The following OLFM3 variants were observed in gnomAD, a reference collection of about 807,000 sequenced individuals.
OLFM3 encodes olfactomedin 3, also known as noelin-3.
Under a neutral mutation model 48.6 loss-of-function variants are expected in OLFM3, and 20 were observed. The observed-to-expected ratio is 0.41, with a 90% CI of 0.29 to 0.60. The LOEUF (loss-of-function observed/expected upper bound fraction) is 0.60, where lower values mean the gene tolerates loss of function less well. Among genes scored for constraint, OLFM3 ranks in the 20% least tolerant of loss-of-function variants. The pLI is 0.28. For synonymous variants in OLFM3, 222 were observed against 198.1 expected, an observed-to-expected ratio of 1.12 and a Z score of -1.01; for missense variants, 437 against 544.3, an observed-to-expected ratio of 0.80 and a Z score of 1.96.
Position 101,804,087 on chromosome 1 carries a change from C to T in OLFM3, c.*151G>A, listed in dbSNP as rs979829449. On this transcript the variant is annotated 3_prime_UTR_variant, in exon 6 of 6. Coordinates refer to ENST00000370103, the MANE Select transcript of OLFM3 (RefSeq NM_058170.4). The surrounding 1 kb of genome is among the most constrained non-coding windows in gnomAD (Gnocchi z 4.5). The stretch of plus-strand genomic sequence containing the variant: ...TCCAACATGGTAAGTTAGACAAGCT[C>T]AGCTATGTTTTTGAAACACCAACTT... The T allele has an allele frequency of 1.7e-6, 1 of 575,216 alleles. No individual in the cohort carries two copies. The highest frequency in any genetic ancestry group is 2.9e-6 in the Non-Finnish European group (1 of 344,484). 35.6% of individuals were successfully genotyped at this position (575,216 alleles called of 1,614,324 possible).
intron 1 of OLFM3, among the ~76,000 whole-genome samples, chr1:101,936,900 T>C (rs931024551): frequency 3.9e-5 from 6 of 152,254 alleles, no homozygotes; most frequent in African/African-American, 1.4e-4. Context: ...GTGGTATAAG[T>C]GTTTAGCCAC....
intron 1 of OLFM3, chr1:101,893,158 C>A: frequency 3.9e-6 from 1 of 257,460 alleles, no homozygotes; most frequent in East Asian, 1.2e-4. Context: ...CACCAGCTCT[C>A]AGTAACCTTA....
intron 1 of OLFM3, among the ~76,000 whole-genome samples, chr1:101,949,304 G>A (rs1660049404): frequency 6.6e-6 from 1 of 151,960 alleles, no homozygotes; most frequent in Non-Finnish European, 1.5e-5. Context: ...TAGTTCTTAG[G>A]CCAAGAAAGA....
chr1:101,850,047 C>T (rs550214326), intron 1 of OLFM3, among the ~76,000 whole-genome samples: 9 of 152,178 alleles, frequency 5.9e-5, no homozygotes, highest in South Asian at 4.1e-4. Flanking sequence ...AAATGGTCAA[C>T]GTAAAAATGC....
chr1:101,996,739 T>C lies in OLFM3; in HGVS notation c.69+9A>G. ...TTATTTCAAACAAGACTCAAAATAT[T>C]GTTCATACCTTGGAAGGATCTAATC... is the stretch of plus-strand genomic sequence containing the variant. On this transcript the variant is annotated intron_variant, in intron 1 of 5. Coordinates refer to ENST00000370103, the MANE Select transcript of OLFM3 (RefSeq NM_058170.4). The C allele has an allele frequency of 6.2e-7, 1 of 1,613,930 alleles. No individual in the cohort carries two copies. Among genetic ancestry groups the C allele is most frequent in the South Asian group, 1.1e-5 (1 of 91,082 alleles).
At chr1:101,827,806 T>C (rs1286658736) in intron 3 of OLFM3, among the ~76,000 whole-genome samples, 2 of 152,204 alleles carry the variant, frequency 1.3e-5, no homozygotes, top group Non-Finnish European at 2.9e-5. Flanking sequence ...TATACGACTC[T>C]GGATAAATTA....
chr1:101,877,568 A>G (rs1260034548), intron 1 of OLFM3, among the ~76,000 whole-genome samples: 2 of 151,906 alleles, frequency 1.3e-5, no homozygotes, highest in Admixed American at 6.6e-5. Flanking sequence ...TTTGTGAGAC[A>G]ATGTTGCATA....
chr1:101,860,670 T>A (rs887008689), intron 1 of OLFM3, among the ~76,000 whole-genome samples: 1 of 152,072 alleles, frequency 6.6e-6, no homozygotes, highest in Non-Finnish European at 1.5e-5. Context: ...CTTCATGAAA[T>A]CATGTATGTG....
At chr1:101,909,936 C>G (rs566617116) in intron 1 of OLFM3, 1 of 983,766 alleles carries the variant, frequency 1.0e-6, no homozygotes, top group East Asian at 1.1e-4. Context: ...TCCAGGTAAA[C>G]TATAGACTCA....
intron 1 of OLFM3, among the ~76,000 whole-genome samples, chr1:101,892,041 A>T (rs1476813939): frequency 6.6e-6 from 1 of 152,034 alleles, no homozygotes; most frequent in Non-Finnish European, 1.5e-5. Flanking sequence ...TGTAAACTTA[A>T]TTGTATAAAG....
intron 1 of OLFM3, among the ~76,000 whole-genome samples, chr1:101,909,577 T>C (rs754854714): frequency 6.6e-6 from 1 of 152,212 alleles, no homozygotes; most frequent in Non-Finnish European, 1.5e-5. Context: ...ACCACACACT[T>C]GATTAATCTT....
At chr1:101,937,811 C>A (rs1659669250) in intron 1 of OLFM3, among the ~76,000 whole-genome samples, 1 of 152,218 alleles carries the variant, frequency 6.6e-6, no homozygotes, top group African/African-American at 2.4e-5. Context: ...CCTGACCACC[C>A]TATACATATA....
chr1:101,952,349 GTTAT>G (rs1660167874), intron 1 of OLFM3, among the ~76,000 whole-genome samples: 1 of 152,014 alleles, frequency 6.6e-6, no homozygotes, highest in African/African-American at 2.4e-5. Flanking sequence ...AAAGCTCAGA[GTTAT>G]TTAATCTTTA....
chr1:101,840,708 C>A (rs960868332), intron 1 of OLFM3, among the ~76,000 whole-genome samples: 2 of 152,118 alleles, frequency 1.3e-5, no homozygotes, highest in Admixed American at 1.3e-4. Context: ...TGGACTCAGG[C>A]AATCTGCCCG....
chr1:101,898,113 A>G (rs1658265440), intron 1 of OLFM3, among the ~76,000 whole-genome samples: 1 of 152,176 alleles, frequency 6.6e-6, no homozygotes, highest in Non-Finnish European at 1.5e-5. Flanking sequence ...TTTACCTACA[A>G]TAGAATTATC....
At chr1:101,888,531 T>C (rs1423817613) in intron 1 of OLFM3, among the ~76,000 whole-genome samples, 1 of 152,124 alleles carries the variant, frequency 6.6e-6, no homozygotes, top group East Asian at 1.9e-4. Context: ...ATATTAGATC[T>C]AAAACCATAA....
intron 4 of OLFM3, chr1:101,813,171 A>G: frequency 8.8e-7 from 1 of 1,131,956 alleles, no homozygotes; most frequent in Non-Finnish European, 1.2e-6. Context: ...TAAAGAAAGA[A>G]GTTATATTGG....
chr1:101,813,921 G>T (rs1378799467), intron 4 of OLFM3, among the ~76,000 whole-genome samples: 1 of 151,956 alleles, frequency 6.6e-6, no homozygotes, highest in Non-Finnish European at 1.5e-5. Context: ...CTGCATCTTC[G>T]GTTTCTTATT....
At chr1:101,889,623 C>G (rs779247039) in intron 1 of OLFM3, among the ~76,000 whole-genome samples, 1 of 151,848 alleles carries the variant, frequency 6.6e-6, no homozygotes, top group Non-Finnish European at 1.5e-5. Flanking sequence ...ACACGTTGTG[C>G]ACATGTACCC....
Sources: gnomAD v4.1 joint callset for allele counts (sites outside exome capture counted in the v4.1 genomes callset) on GRCh38, gnomAD v4.1.1 for gene constraint, Gnocchi (gnomAD v3.1) non-coding constraint, MANE v1.5 for transcripts, NCBI Gene and HGNC (gene_info 2026-07-23, HGNC 2026-07-21) for gene names.